Variants in INPP5B observed in about 807,000 individuals in gnomAD.
INPP5B encodes the protein inositol polyphosphate-5-phosphatase B, also known as type II inositol 1,4,5-trisphosphate 5-phosphatase.
INPP5B carries 90 observed loss-of-function variants against 118.5 expected under a neutral mutation model. The observed-to-expected ratio is 0.76, with a 90% CI of 0.64 to 0.90. INPP5B has a LOEUF of 0.90. Ranked by LOEUF, INPP5B falls within the 40% of genes least tolerant of loss-of-function variation. INPP5B has a pLI of 0.00. For synonymous variants in INPP5B, 385 were observed against 418.9 expected (o/e 0.92, Z 0.99); for missense variants, 984 against 1,125.6 (o/e 0.87, Z 1.80).
intron 7 of INPP5B, among the ~76,000 whole-genome samples, chr1:37,913,945 G>A (rs1644783941): frequency 6.6e-6 from 1 of 151,966 alleles, no homozygotes; most frequent in Non-Finnish European, 1.5e-5. Flanking sequence ...CACCCTAACT[G>A]ATAGGATATA....
intron 7 of INPP5B, among the ~76,000 whole-genome samples, chr1:37,902,750 A>G (rs1644377352): frequency 6.6e-6 from 1 of 151,758 alleles, no homozygotes; most frequent in Admixed American, 6.6e-5. Flanking sequence ...TAGAGATGGG[A>G]TTTCTCCATG....
chr1:37,866,589 T>C (rs909427363), intron 20 of INPP5B, 46 bp from the exon 21 acceptor site: 1 of 1,183,876 alleles, frequency 8.4e-7, no homozygotes, highest in African/African-American at 1.5e-5. Flanking sequence ...TCTCAGAAAA[T>C]CATCAATGAT....
At chr1:37,873,949 A>G in intron 18 of INPP5B, 44 bp downstream of exon 18, 1 of 1,437,230 alleles carries the variant, frequency 7.0e-7, no homozygotes, top group Non-Finnish European at 9.3e-7. Context: ...AGAGTAAGGC[A>G]TTCCCCAAAC....
chr1:37,925,577 A>G (rs1645197682), intron 7 of INPP5B, among the ~76,000 whole-genome samples: 1 of 152,202 alleles, frequency 6.6e-6, no homozygotes, highest in Admixed American at 6.5e-5. Context: ...CATGCAAGTC[A>G]GCTAGCATCT....
At chr1:37,896,966 C>T (rs1219349784) in intron 7 of INPP5B, among the ~76,000 whole-genome samples, 6 of 117,714 alleles carry the variant, frequency 5.1e-5, no homozygotes, top group African/African-American at 1.4e-4. Flanking sequence ...CCAGCCGCCC[C>T]GTCCGGGAGG....
At chr1:37,883,503 G>A in intron 13 of INPP5B, 2 of 985,428 alleles carry the variant, frequency 2.0e-6, no homozygotes, top group Non-Finnish European at 2.4e-6. Flanking sequence ...AAAGCTAACT[G>A]AAGGCTCCCT....
chr1:37,867,693 T>G (rs1642129488), intron 20 of INPP5B, among the ~76,000 whole-genome samples: 1 of 152,244 alleles, frequency 6.6e-6, no homozygotes, highest in South Asian at 2.1e-4. Flanking sequence ...AAAGTGGGCT[T>G]GTAGTTTGTA....
In INPP5B at chr1:37,907,142, A is replaced by G. The variant is rs1023437778; in HGVS notation, c.533-15688T>C. ...CATGAAAAGCCTTCTAATTTAGTTT[A>G]TTTGGAATAATTTCACTTATTTTGC... On this transcript the variant is annotated intron_variant, in intron 7 of 23. Transcript: ENST00000373024. This position sits in a 1 kb window ranked among gnomAD's most constrained non-coding sequence, Gnocchi z 4.3. Among the ~76,000 whole-genome samples the G allele has an allele frequency of 2.0e-5, 3 of 152,208 alleles. No individual in the cohort carries two copies. Among genetic ancestry groups the G allele is most frequent in the African/African-American group, 7.2e-5 (3 of 41,452 alleles).
At chr1:37,883,841 A>G (rs916913077) in intron 13 of INPP5B, 7 of 985,360 alleles carry the variant, frequency 7.1e-6, no homozygotes, top group Admixed American at 1.2e-4. Context: ...TCCTTGGCAG[A>G]TATCACGGCC....
chr1:37,867,720 C>T (rs1012592135), intron 20 of INPP5B, among the ~76,000 whole-genome samples: 1 of 152,144 alleles, frequency 6.6e-6, no homozygotes, highest in Non-Finnish European at 1.5e-5. Flanking sequence ...TCCCTGAAAC[C>T]TATATAAACA....
At chr1:37,924,013 G>A (rs190216923) in intron 7 of INPP5B, among the ~76,000 whole-genome samples, 1 of 151,858 alleles carries the variant, frequency 6.6e-6, no homozygotes, top group African/African-American at 2.4e-5. Flanking sequence ...CCTGACCTCA[G>A]GTGATCCACC....
intron 23 of INPP5B, among the ~76,000 whole-genome samples, chr1:37,863,049 G>T (rs1454981916): frequency 6.6e-6 from 1 of 152,070 alleles, no homozygotes; most frequent in African/African-American, 2.4e-5. Context: ...CCCAGGATGC[G>T]ATGAGGTTCC....
At chr1:37,878,542 T>C in intron 15 of INPP5B, 1 of 957,858 alleles carries the variant, frequency 1.0e-6, no homozygotes, top group Non-Finnish European at 1.2e-6. Context: ...CAAAACAGAG[T>C]TCAGACTGAT....
intron 7 of INPP5B, among the ~76,000 whole-genome samples, chr1:37,904,945 A>T (rs1290314140): frequency 6.6e-6 from 1 of 152,174 alleles, no homozygotes; most frequent in Non-Finnish European, 1.5e-5. Context: ...TCAGGCATTA[A>T]AGTTGGATAG....
At chr1:37,874,193 T>C (rs1194633827) in intron 17 of INPP5B, 38 bp from the exon 18 acceptor site, 3 of 1,473,964 alleles carry the variant, frequency 2.0e-6, no homozygotes, top group African/African-American at 1.4e-5. Flanking sequence ...ACCAGTGCCC[T>C]TTCCTCAGCA....
chr1:37,916,314 G>A (rs1009565681), intron 7 of INPP5B, among the ~76,000 whole-genome samples: 3 of 151,694 alleles, frequency 2.0e-5, no homozygotes, highest in Non-Finnish European at 2.9e-5. Flanking sequence ...GTCTGGTCTC[G>A]AACTCCTGAC....
chr1:37,873,930 A>T, intron 18 of INPP5B, 63 bp downstream of exon 18: 1 of 1,296,202 alleles, frequency 7.7e-7, no homozygotes, highest in Non-Finnish European at 1.0e-6. Context: ...TAGGAAAATG[A>T]GCAAATATAG....
chr1:37,940,225 G>A (rs954326034), intron 6 of INPP5B, among the ~76,000 whole-genome samples: 3 of 152,130 alleles, frequency 2.0e-5, no homozygotes, highest in African/African-American at 4.8e-5. Flanking sequence ...TTGTCCTAAA[G>A]GCCACTAACG....
chr1:37,910,117 G>T (rs925242691), intron 7 of INPP5B, among the ~76,000 whole-genome samples: 1 of 152,172 alleles, frequency 6.6e-6, no homozygotes, highest in East Asian at 1.9e-4. Context: ...TCAGCTTAGC[G>T]GCTGAAGACT....
Sources: gnomAD v4.1 joint callset for allele counts (sites outside exome capture counted in the v4.1 genomes callset) on GRCh38, gnomAD v4.1.1 for gene constraint, Gnocchi (gnomAD v3.1) non-coding constraint, MANE v1.5 for transcripts, NCBI Gene and HGNC (gene_info 2026-07-23, HGNC 2026-07-21) for gene names.